ALK: variants seen among roughly 807,000 people sequenced by gnomAD.
The protein encoded by ALK is ALK tyrosine kinase receptor.
ALK carries 74 observed loss-of-function variants against 163.1 expected under a neutral mutation model. The observed-to-expected ratio is 0.45, with a 90% CI of 0.38 to 0.55. ALK has a LOEUF of 0.55. Among genes scored for constraint, ALK ranks in the 20% least tolerant of loss-of-function variants. The pLI, the probability that ALK is intolerant of heterozygous loss-of-function variation, is 0.00. For synonymous variants in ALK, 960 were observed against 843.2 expected (o/e 1.14, Z -2.40); for missense variants, 2,063 against 2,105.3 (o/e 0.98, Z 0.39).
At chr2:29,660,771 G>A (rs1055632573) in intron 3 of ALK, among the ~76,000 whole-genome samples, 1 of 152,076 alleles carries the variant, frequency 6.6e-6, no homozygotes, top group African/African-American at 2.4e-5. Context: ...CTGTTCCAAA[G>A]CTCACAGCTT....
Position 29,882,015 on chromosome 2 carries a change from G to A in ALK, c.667+37978C>T, listed in dbSNP as rs866239414. ...TGACCCTCAGCCCTTCAGCAGCTCA[G>A]TGAAGACCCACACACACACATCACA... On this transcript the variant is annotated intron_variant, in intron 1 of 28. Transcript: ENST00000389048. Among the ~76,000 whole-genome samples, 3 of 152,050 alleles carry A rather than the reference G, an allele frequency of 2.0e-5. No homozygotes were observed. The South Asian group carries it at 6.2e-4, about 32-fold the overall frequency.
At chr2:29,456,500 T>C (rs1015051322) in intron 4 of ALK, among the ~76,000 whole-genome samples, 1 of 152,124 alleles carries the variant, frequency 6.6e-6, no homozygotes. Flanking sequence ...ACATGAGGTA[T>C]GTAGAGTAGT....
At chr2:29,558,475 A>G (rs565183246) in intron 3 of ALK, among the ~76,000 whole-genome samples, 35 of 151,988 alleles carry the variant, frequency 2.3e-4, no homozygotes, top group African/African-American at 7.7e-4. Context: ...CCACCTCCCA[A>G]CCCACAAGAC....
Position 29,378,911 on chromosome 2 carries a change from C to T in ALK, c.1282+4821G>A, listed in dbSNP as rs550833244. 9.2e-5 allele frequency among the ~76,000 whole-genome samples: 14 copies of T among 152,180 alleles called. No individual in the cohort carries two copies. In the East Asian group the frequency reaches 9.7e-4, roughly 11 times the overall value. The stretch of plus-strand genomic sequence containing the variant: ...TATTTTCAGTAAAGATGGGGTTTCG[C>T]GACGTTGGCCAGGCTGGTCTCGAAC... On this transcript the variant is annotated intron_variant, in intron 5 of 28. Transcript: ENST00000389048.
At chr2:29,347,363 G>A (rs1161007085) in intron 5 of ALK, among the ~76,000 whole-genome samples, 1 of 152,194 alleles carries the variant, frequency 6.6e-6, no homozygotes, top group Admixed American at 6.5e-5. Context: ...TGGAGGAGGT[G>A]AACCAACTCA....
At chr2:29,473,785 G>A (rs943727924) in intron 4 of ALK, among the ~76,000 whole-genome samples, 4 of 152,106 alleles carry the variant, frequency 2.6e-5, no homozygotes, top group Admixed American at 2.6e-4. Flanking sequence ...GAATCTGGGA[G>A]GCAGAAGTTG....
At chr2:29,196,904 G>T in intron 27 of ALK, 44 bp from the exon 28 acceptor site, 1 of 1,493,710 alleles carries the variant, frequency 6.7e-7, no homozygotes. Flanking sequence ...GAAGCACAAT[G>T]ATGAAAAATA....
rs71444423 is a variant in ALK, at chr2:29,489,256, C to T, written c.1154+42659G>A. Among the ~76,000 whole-genome samples, 789 of 152,244 alleles carry T rather than the reference C, an allele frequency of 5.2e-3. 4 individuals are homozygous for T. The highest frequency in any genetic ancestry group is 7.6e-3 in the Non-Finnish European group (515 of 68,028). On this transcript the variant is annotated intron_variant, in intron 4 of 28. Transcript: ENST00000389048. The stretch of plus-strand genomic sequence containing the variant: ...AATAGATGCTCAATAAATGATTAAT[C>T]GAATTCAGTATACTACAAGTATAAG...
At chr2:29,878,727 G>A (rs1361771741) in intron 1 of ALK, among the ~76,000 whole-genome samples, 1 of 152,196 alleles carries the variant, frequency 6.6e-6, no homozygotes, top group Non-Finnish European at 1.5e-5. Flanking sequence ...GGACTCTAAG[G>A]AATGGAGGTT....
At chr2:29,217,199 TTG>T (rs1187159214) in intron 23 of ALK, among the ~76,000 whole-genome samples, 23 of 147,916 alleles carry the variant, frequency 1.6e-4, no homozygotes, top group African/African-American at 4.4e-4. Flanking sequence ...GTGTGGTGTT[TTG>T]TGTGTGTTGC....
intron 1 of ALK, among the ~76,000 whole-genome samples, chr2:29,727,555 C>G (rs542592838): frequency 3.3e-5 from 5 of 152,302 alleles, no homozygotes; most frequent in Non-Finnish European, 5.9e-5. Context: ...GCTTTCCCAG[C>G]CAACTTTTGG....
At chr2:29,669,145 T>A (rs538224195) in intron 3 of ALK, among the ~76,000 whole-genome samples, 30 of 152,164 alleles carry the variant, frequency 2.0e-4, no homozygotes, top group Admixed American at 6.6e-4. Flanking sequence ...CACTGTTATT[T>A]CTCTGTTGAT....
chr2:29,859,035 A>AAAACTAAC (rs1558521914), intron 1 of ALK, among the ~76,000 whole-genome samples: 2 of 150,678 alleles, frequency 1.3e-5, no homozygotes, highest in Non-Finnish European at 3.0e-5. Flanking sequence ...TCTGTCTCAA[A>AAAACTAAC]AAACAAACAA....
chr2:29,365,192 C>A (rs1668473814), intron 5 of ALK, among the ~76,000 whole-genome samples: 1 of 152,154 alleles, frequency 6.6e-6, no homozygotes, highest in African/African-American at 2.4e-5. Flanking sequence ...CTAGACTCTG[C>A]CCAAAACATA....
At chr2:29,912,627 T>A (rs1391576516) in intron 1 of ALK, among the ~76,000 whole-genome samples, 1 of 152,062 alleles carries the variant, frequency 6.6e-6, no homozygotes, top group African/African-American at 2.4e-5. Flanking sequence ...TATATCTGGA[T>A]AGCTATAAAG....
At chr2:29,673,734 T>C (rs1188446581) in intron 3 of ALK, among the ~76,000 whole-genome samples, 2 of 149,912 alleles carry the variant, frequency 1.3e-5, no homozygotes, top group Non-Finnish European at 3.0e-5. Flanking sequence ...GGTAGCTTGA[T>C]GGGGATGGCA....
intron 3 of ALK, among the ~76,000 whole-genome samples, chr2:29,580,237 A>G (rs1419081367): frequency 6.6e-6 from 1 of 152,216 alleles, no homozygotes; most frequent in Non-Finnish European, 1.5e-5. Flanking sequence ...CTCACCCAGC[A>G]TGGATTGCTC....
At chr2:29,750,120 T>C (rs962328998) in intron 1 of ALK, among the ~76,000 whole-genome samples, 2 of 152,214 alleles carry the variant, frequency 1.3e-5, no homozygotes, top group Non-Finnish European at 2.9e-5. Context: ...TCGAGAAGTA[T>C]AGTAATGCAT....
intron 3 of ALK, among the ~76,000 whole-genome samples, chr2:29,651,411 T>A (rs1677031776): frequency 6.6e-6 from 1 of 152,160 alleles, no homozygotes; most frequent in South Asian, 2.1e-4. Context: ...TGATAGAGGG[T>A]CATGTCCAAG....
Sources: allele counts gnomAD v4.1 joint callset (sites outside exome capture counted in the v4.1 genomes callset), GRCh38; gene constraint gnomAD v4.1.1; transcripts MANE v1.5; gene names NCBI Gene and HGNC (gene_info 2026-07-23, HGNC 2026-07-21).